The following BMPR2 variants were observed in gnomAD, a reference collection of about 807,000 sequenced individuals.
BMPR2 encodes bone morphogenetic protein receptor type-2.
In BMPR2, 29 loss-of-function variants were observed where a neutral mutation model predicts 100.8. The observed-to-expected ratio is 0.29, with a 90% CI of 0.21 to 0.39. The LOEUF is 0.39. Ranked by LOEUF, BMPR2 falls within the 10% of genes least tolerant of loss-of-function variation. The pLI, the probability that BMPR2 is intolerant of heterozygous loss-of-function variation, is 1.00. For missense variants in BMPR2, 1,011 were observed against 1,274.5 expected, an observed-to-expected ratio of 0.79 and a Z score of 3.15; for synonymous variants, 382 against 442.3, an observed-to-expected ratio of 0.86 and a Z score of 1.71.
At chr2:202,385,678 A>G (rs1690413693) in intron 1 of BMPR2, among the ~76,000 whole-genome samples, 1 of 150,776 alleles carries the variant, frequency 6.6e-6, no homozygotes, top group South Asian at 2.1e-4. Flanking sequence ...AAAAAAAAAA[A>G]GCATGTATTT....
rs1465310729 is a variant in BMPR2 at position 202,556,293 on chromosome 2, A to G, written c.2628A>G (p.Gln876=). The G allele has an allele frequency of 6.2e-7, 1 of 1,614,134 alleles. No homozygotes were observed. Among genetic ancestry groups the G allele is most frequent in the African/African-American group, 1.3e-5 (1 of 74,950 alleles). Reference sequence around the variant, plus strand: ...AGCCTTTACTGAGACGAGAGCAACAAGCTGGCCATGATGAAGGTGTTCTGG... The same window carrying G: ...AGCCTTTACTGAGACGAGAGCAACAGGCTGGCCATGATGAAGGTGTTCTGG... ...EHEPLLRREQ[Q]AGHDEGVLDR... The change falls in exon 12 of 13, where the codon CAA becomes CAG. Residue 876 remains glutamine, a synonymous_variant. Transcript: ENST00000374580.
chr2:202,410,760 T>C lies in BMPR2; in HGVS notation c.76+33210T>C, dbSNP rs192192668. ...ACGCCCGGCTAATTTTTAGTATTTT[T>C]AGTAGAGATGGGGTTTCACTGTGTT... is the stretch of plus-strand genomic sequence containing the variant. On this transcript the variant is annotated intron_variant, in intron 1 of 12. Transcript: ENST00000374580. Among the ~76,000 whole-genome samples the C allele has an allele frequency of 1.1e-3, 169 of 152,136 alleles. 1 individual carries two copies. The highest frequency in any genetic ancestry group is 3.8e-3 in the African/African-American group (158 of 41,506).
intron 1 of BMPR2, among the ~76,000 whole-genome samples, chr2:202,388,437 A>G (rs894664883): frequency 1.4e-5 from 2 of 146,832 alleles, no homozygotes. Flanking sequence ...TTGTCCATAT[A>G]CTTAGGTTTG....
At chr2:202,492,417 C>A (rs1019014153) in intron 3 of BMPR2, among the ~76,000 whole-genome samples, 1 of 151,758 alleles carries the variant, frequency 6.6e-6, no homozygotes, top group Admixed American at 6.6e-5. Context: ...TCAGGATGGG[C>A]GGTTACAAGT....
chr2:202,431,425 T>G (rs1455311099), intron 1 of BMPR2, among the ~76,000 whole-genome samples: 1 of 150,710 alleles, frequency 6.6e-6, no homozygotes, highest in Non-Finnish European at 1.5e-5. Flanking sequence ...AGTCTCAGTT[T>G]TCTAATCTGT....
intron 3 of BMPR2, among the ~76,000 whole-genome samples, chr2:202,480,953 TAAAAAAAAAAAAA>T (rs71035011): frequency 4.6e-5 from 2 of 43,358 alleles, no homozygotes; most frequent in South Asian, 1.4e-3. Context: ...AGACTCCGTC[TAAAAAAAAAAAAA>T]AAAAAAAAAA....
At chr2:202,422,603 G>A (rs1015535244) in intron 1 of BMPR2, among the ~76,000 whole-genome samples, 3 of 152,130 alleles carry the variant, frequency 2.0e-5, no homozygotes, top group Non-Finnish European at 4.4e-5. Flanking sequence ...ATCGTGCCCG[G>A]CCATAAAGTT....
chr2:202,534,896 G>A (rs1222150835), intron 9 of BMPR2, among the ~76,000 whole-genome samples: 17 of 144,194 alleles, frequency 1.2e-4, no homozygotes, highest in Non-Finnish European at 2.0e-4. Context: ...CTGGCCGGGC[G>A]GGGGGCTGAC....
intron 3 of BMPR2, among the ~76,000 whole-genome samples, chr2:202,485,454 TC>T (rs2105977082): frequency 6.6e-6 from 1 of 151,946 alleles, no homozygotes; most frequent in South Asian, 2.1e-4. Context: ...TCATTGGTGT[TC>T]CTCGGTTTGT....
intron 1 of BMPR2, among the ~76,000 whole-genome samples, chr2:202,392,597 T>C (rs1374124778): frequency 1.3e-5 from 2 of 152,202 alleles, no homozygotes; most frequent in African/African-American, 2.4e-5. Context: ...TGCCTGATCA[T>C]TGGAACCCAG....
intron 1 of BMPR2, among the ~76,000 whole-genome samples, chr2:202,388,952 G>T (rs961206139): frequency 2.0e-5 from 3 of 152,066 alleles, no homozygotes; most frequent in Non-Finnish European, 4.4e-5. Flanking sequence ...AATTAAAAGT[G>T]TGGGCTGGGT....
At chr2:202,467,407 T>A in intron 2 of BMPR2, 112 bp from the exon 3 acceptor site, 2 of 936,578 alleles carry the variant, frequency 2.1e-6, no homozygotes, top group Non-Finnish European at 3.3e-6. Context: ...CAAAACTGTT[T>A]CATAGCTTAC....
At chr2:202,436,252 A>G (rs2105935276) in intron 1 of BMPR2, among the ~76,000 whole-genome samples, 1 of 150,714 alleles carries the variant, frequency 6.6e-6, no homozygotes, top group Non-Finnish European at 1.5e-5. Flanking sequence ...CCAGAGTTAG[A>G]GACCAGCCTG....
At chr2:202,484,763 G>A (rs1238204043) in intron 3 of BMPR2, among the ~76,000 whole-genome samples, 6 of 151,570 alleles carry the variant, frequency 4.0e-5, no homozygotes, top group Non-Finnish European at 5.9e-5. Flanking sequence ...TCTGGAGATC[G>A]AGACCGTCCT....
At chr2:202,543,573 A>G (rs1173161170) in intron 10 of BMPR2, among the ~76,000 whole-genome samples, 2 of 152,052 alleles carry the variant, frequency 1.3e-5, no homozygotes, top group East Asian at 3.9e-4. Context: ...AAAAGGAAAA[A>G]ACTACCTCTC....
At chr2:202,413,749 C>CTG (rs1691063263) in intron 1 of BMPR2, among the ~76,000 whole-genome samples, 1 of 151,936 alleles carries the variant, frequency 6.6e-6, no homozygotes, top group Admixed American at 6.6e-5. Flanking sequence ...ACTGCAACCT[C>CTG]CACCTCCCGT....
intron 1 of BMPR2, among the ~76,000 whole-genome samples, chr2:202,456,250 C>T (rs1378788160): frequency 6.6e-6 from 1 of 151,544 alleles, no homozygotes; most frequent in Non-Finnish European, 1.5e-5. Context: ...CGGCTCACTG[C>T]AACCTCCGCC....
rs561659303 is a variant in BMPR2, at chr2:202,539,687, TAGA to T, written c.1277-2621_1277-2619del. 3.7e-3 allele frequency among the ~76,000 whole-genome samples: 565 copies of T among 151,058 alleles called. 2 individuals are homozygous for T. Among genetic ancestry groups the T allele is most frequent in the Middle Eastern group, 0.027 (8 of 292 alleles). ...AGAGTGAAATGCTACAAAGTTTAAA[TAGA>T]AGGGGGAGAAGGAAGAAAAAAAGAA... On this transcript the variant is annotated intron_variant, in intron 9 of 12. Transcript: ENST00000374580.
At chr2:202,383,782 C>T (rs1249144078) in intron 1 of BMPR2, among the ~76,000 whole-genome samples, 2 of 151,442 alleles carry the variant, frequency 1.3e-5, no homozygotes, top group Non-Finnish European at 2.9e-5. Flanking sequence ...ACCTGGGAGG[C>T]GGAGGTTGCA....
Sources: gnomAD v4.1 joint callset for allele counts (sites outside exome capture counted in the v4.1 genomes callset) on GRCh38, gnomAD v4.1.1 for gene constraint, MANE v1.5 for transcripts, NCBI Gene and HGNC (gene_info 2026-07-23, HGNC 2026-07-21) for gene names.